The following KIAA0319L variants were observed in gnomAD, a reference collection of about 807,000 sequenced individuals.
KIAA0319L encodes the protein dyslexia-associated protein KIAA0319-like protein.
Under a neutral mutation model 120.1 loss-of-function variants are expected in KIAA0319L, and 55 were observed. The ratio of observed to expected loss-of-function variants is 0.46; its 90% CI spans 0.37 to 0.57. KIAA0319L has a LOEUF of 0.57. Among genes scored for constraint, KIAA0319L ranks in the 20% least tolerant of loss-of-function variants. The pLI, the probability that KIAA0319L is intolerant of heterozygous loss-of-function variation, is 0.00. For synonymous variants in KIAA0319L, 398 were observed against 471.9 expected (o/e 0.84, Z 2.03); for missense variants, 1,049 against 1,255.3 (o/e 0.84, Z 2.48).
chr1:35,463,000 A>G (rs1248451146), intron 7 of KIAA0319L, among the ~76,000 whole-genome samples: 1 of 152,150 alleles, frequency 6.6e-6, no homozygotes, highest in African/African-American at 2.4e-5. Context: ...GCAGTTCACA[A>G]TAAGGTTCAT....
chr1:35,478,156 C>T (rs911241702), intron 4 of KIAA0319L, among the ~76,000 whole-genome samples: 2 of 152,028 alleles, frequency 1.3e-5, no homozygotes, highest in African/African-American at 2.4e-5. Context: ...CACAGACAAA[C>T]ACTGCTTGTT....
chr1:35,482,060 G>A (rs940285320), intron 3 of KIAA0319L, among the ~76,000 whole-genome samples: 7 of 152,038 alleles, frequency 4.6e-5, no homozygotes, highest in East Asian at 1.9e-4. Context: ...TCCTGACCTC[G>A]TGATCCACCT....
In KIAA0319L at chr1:35,448,278, A is replaced by C. The variant is rs1008172932; in HGVS notation, c.2408T>G (p.Leu803Arg). Reference protein sequence around the residue: ...EIILDINVSQLTERLKGMFIR... With the variant: ...EIILDINVSQRTERLKGMFIR... ...GAACATCCCCTTCAGCCTCTCAGTT[A>C]GCTGACTGACGTTGATATCCAAGAT... The change falls in exon 16 of 21, where the codon CTA becomes CGA. Residue 803 changes from leucine to arginine, a missense_variant. By Grantham distance (102) the Leu-to-Arg change is moderately radical. Transcript: ENST00000325722. 3 of 1,613,984 alleles carry C rather than the reference A, an allele frequency of 1.9e-6. No individual in the cohort carries two copies. The African/African-American group carries it at 4.0e-5, about 22-fold the overall frequency.
At chr1:35,525,736 T>A (rs898434759) in intron 2 of KIAA0319L, among the ~76,000 whole-genome samples, 6 of 152,214 alleles carry the variant, frequency 3.9e-5, no homozygotes, top group African/African-American at 1.2e-4. Context: ...TGGATATTAG[T>A]CCCTTGTCAC....
intron 2 of KIAA0319L, among the ~76,000 whole-genome samples, chr1:35,529,436 A>G (rs114095004): frequency 0.014 from 2,059 of 152,224 alleles, 53 homozygotes; most frequent in African/African-American, 0.047. Context: ...ATGATGGTAG[A>G]TATTATCCTT....
intron 2 of KIAA0319L, among the ~76,000 whole-genome samples, chr1:35,513,226 A>C (rs1173431583): frequency 6.8e-6 from 1 of 147,820 alleles, no homozygotes; most frequent in Non-Finnish European, 1.5e-5. Context: ...ATATGTTACA[A>C]ATGATTTTGA....
chr1:35,550,259 G>A (rs1647150249), intron 2 of KIAA0319L, among the ~76,000 whole-genome samples: 1 of 152,242 alleles, frequency 6.6e-6, no homozygotes, highest in African/African-American at 2.4e-5. Flanking sequence ...AGCGGGAGTG[G>A]AGGATAACTG....
chr1:35,545,407 T>C (rs1359817986), intron 2 of KIAA0319L, among the ~76,000 whole-genome samples: 1 of 152,028 alleles, frequency 6.6e-6, no homozygotes, highest in South Asian at 2.1e-4. Flanking sequence ...GAGTATAACA[T>C]GGTATAATCA....
chr1:35,479,272 T>C, intron 3 of KIAA0319L, 60 bp from the exon 4 acceptor site: 2 of 1,412,956 alleles, frequency 1.4e-6, no homozygotes, highest in Admixed American at 1.9e-5. Context: ...TCAGGTTATG[T>C]CTCATGAAAC....
chr1:35,500,038 C>T (rs1644948489), intron 3 of KIAA0319L, among the ~76,000 whole-genome samples: 1 of 152,102 alleles, frequency 6.6e-6, no homozygotes, highest in South Asian at 2.1e-4. Context: ...TTTATTTGTT[C>T]CACAGAAAGC....
Position 35,479,045 on chromosome 1 carries a change from G to T in KIAA0319L, c.834C>A (p.Pro278=). 6.2e-7 allele frequency: 1 copy of T among 1,614,128 alleles called. No homozygotes were observed. The highest frequency in any genetic ancestry group is 1.1e-5 in the South Asian group (1 of 91,088). ...AACTGTAGGAGGGAGCCACTGGCTG[G>T]GGGACAGCAATCTGGGTTTTCTCAG... The part of the protein sequence containing the change: ...KSSEKTQIAV[P]QPVAPSYSYA... The change falls in exon 4 of 21, where the codon CCC becomes CCA. Residue 278 remains proline, a synonymous_variant. Transcript: ENST00000325722.
At chr1:35,521,800 G>A (rs1193402519) in intron 2 of KIAA0319L, among the ~76,000 whole-genome samples, 2 of 151,490 alleles carry the variant, frequency 1.3e-5, no homozygotes, top group South Asian at 2.1e-4. Context: ...GTGAAACCCC[G>A]TCTCTACTAA....
intron 20 of KIAA0319L, among the ~76,000 whole-genome samples, chr1:35,438,151 ACT>A (rs997743061): frequency 2.6e-5 from 4 of 152,148 alleles, no homozygotes; most frequent in African/African-American, 9.7e-5. Flanking sequence ...TAAATGTTTA[ACT>A]CTGCAGGCTG....
intron 2 of KIAA0319L, among the ~76,000 whole-genome samples, chr1:35,538,216 G>A (rs142200452): frequency 2.6e-5 from 4 of 152,134 alleles, no homozygotes; most frequent in African/African-American, 9.6e-5. Flanking sequence ...CCTAAAATGC[G>A]TGTATCTATA....
intron 2 of KIAA0319L, among the ~76,000 whole-genome samples, chr1:35,553,882 C>T (rs966184631): frequency 4.6e-5 from 7 of 152,094 alleles, no homozygotes; most frequent in Admixed American, 1.3e-4. Flanking sequence ...AAGTAAGGAA[C>T]GCATTTTTCC....
Position 35,453,866 on chromosome 1 carries a change from A to C in KIAA0319L, c.1781-177T>G, listed in dbSNP as rs1044348486. On this transcript the variant is annotated intron_variant, in intron 11 of 20. Transcript: ENST00000325722. This position sits in a 1 kb window ranked among gnomAD's most constrained non-coding sequence, Gnocchi z 4.1. ...CACACAATAAAGAATATAAGGCTGA[A>C]ACATATCAAGCAATTCTGACAGAAA... Among the ~76,000 whole-genome samples the C allele has an allele frequency of 6.6e-6, 1 of 152,216 alleles. No homozygotes were observed. The highest frequency in any genetic ancestry group is 1.5e-5 in the Non-Finnish European group (1 of 68,030).
chr1:35,483,929 G>A (rs1030340581), intron 3 of KIAA0319L, among the ~76,000 whole-genome samples: 4 of 152,076 alleles, frequency 2.6e-5, no homozygotes, highest in African/African-American at 9.7e-5. Flanking sequence ...CTTGGCTTGC[G>A]GCAACCTAAC....
At chr1:35,488,011 T>C (rs980101260) in intron 3 of KIAA0319L, among the ~76,000 whole-genome samples, 2 of 152,232 alleles carry the variant, frequency 1.3e-5, no homozygotes, top group African/African-American at 4.8e-5. Flanking sequence ...GCTTTTTCTA[T>C]CATGAACTCT....
intron 3 of KIAA0319L, among the ~76,000 whole-genome samples, chr1:35,486,737 C>CCAAAAAAAAA (rs1644400669): frequency 1.1e-5 from 1 of 86,974 alleles, no homozygotes. Context: ...CCCATTTCTA[C>CCAAAAAAAAA]AAAAAAAAAA....
Sources: allele counts gnomAD v4.1 joint callset (sites outside exome capture counted in the v4.1 genomes callset), GRCh38; gene constraint gnomAD v4.1.1; non-coding constraint Gnocchi (gnomAD v3.1); transcripts MANE v1.5; gene names NCBI Gene and HGNC (gene_info 2026-07-23, HGNC 2026-07-21).